The following CLCN3 variants were observed in gnomAD, a reference collection of about 807,000 sequenced individuals.
CLCN3 encodes H(+)/Cl(-) exchange transporter 3.
In CLCN3, 16 loss-of-function variants were observed where a neutral mutation model predicts 83.4. That is an observed-to-expected ratio of 0.19 (90% confidence interval 0.13 to 0.29). The LOEUF is 0.29. Among genes scored for constraint, CLCN3 ranks in the 10% least tolerant of loss-of-function variants. CLCN3 has a pLI of 1.00. For synonymous variants in CLCN3, 322 were observed against 346.2 expected, an observed-to-expected ratio of 0.93 and a Z score of 0.78; for missense variants, 544 against 1,006.0, an observed-to-expected ratio of 0.54 and a Z score of 6.21.
intron 2 of CLCN3, among the ~76,000 whole-genome samples, chr4:169,664,262 T>A (rs186826136): frequency 1.3e-5 from 2 of 152,242 alleles, no homozygotes; most frequent in East Asian, 3.9e-4. Context: ...AAGTTTGGGG[T>A]CTTATTTTTT....
chr4:169,717,869 T>G, intron 12 of CLCN3: 2 of 1,599,626 alleles, frequency 1.3e-6, no homozygotes, highest in Non-Finnish European at 1.7e-6. Flanking sequence ...GAACCCTTGG[T>G]GATTAGATAT....
chr4:169,704,029 C>T lies in CLCN3; in HGVS notation c.1595C>T (p.Ala532Val). 6.2e-7 allele frequency: 1 copy of T among 1,614,054 alleles called. No homozygotes were observed. Among genetic ancestry groups the T allele is most frequent in the Non-Finnish European group, 8.5e-7 (1 of 1,179,988 alleles). The change falls in exon 10 of 13, where the codon GCC becomes GTC. Residue 532 changes from alanine to valine, a missense_variant. Transcript: ENST00000513761. ...VPSGLFIPSM[A>V]IGAIAGRIVG... Reference sequence around the variant, plus strand: ...TCAGGCTTGTTCATCCCCAGCATGGCCATTGGAGCGATCGCAGGAAGGATT... The same window carrying T: ...TCAGGCTTGTTCATCCCCAGCATGGTCATTGGAGCGATCGCAGGAAGGATT...
Position 169,710,212 on chromosome 4 carries a change from G to C in CLCN3, c.2150-2867G>C, listed in dbSNP as rs150420475. Among the ~76,000 whole-genome samples, 419 of 152,214 alleles carry C rather than the reference G, an allele frequency of 2.8e-3. 3 individuals are homozygous for C. The highest frequency in any genetic ancestry group is 9.6e-3 in the African/African-American group (399 of 41,538). On this transcript the variant is annotated intron_variant, in intron 11 of 12. Coordinates refer to ENST00000513761, the MANE Select transcript of CLCN3 (RefSeq NM_001829.4). The stretch of plus-strand genomic sequence containing the variant: ...AACTCAGATTTTTTGTGTGTGTGGG[G>C]AGAATATCTAAAATCCCTCTCCTTA...
At chr4:169,679,963 T>C in intron 2 of CLCN3, 87 bp from the exon 3 acceptor site, 3 of 1,042,288 alleles carry the variant, frequency 2.9e-6, no homozygotes, top group Non-Finnish European at 3.0e-6. Context: ...TATTTCTGTA[T>C]GACTTAATAA....
At chr4:169,648,784 T>G (rs1158341508) in intron 2 of CLCN3, among the ~76,000 whole-genome samples, 1 of 152,174 alleles carries the variant, frequency 6.6e-6, no homozygotes, top group Non-Finnish European at 1.5e-5. Context: ...CCCAGCACTT[T>G]GGGAAGCCAA....
chr4:169,667,053 T>G (rs1253980762), intron 2 of CLCN3, among the ~76,000 whole-genome samples: 1 of 152,190 alleles, frequency 6.6e-6, no homozygotes, highest in Non-Finnish European at 1.5e-5. Context: ...TTTTTGTCCC[T>G]TTTGCATTGA....
Position 169,721,486 on chromosome 4 carries a change from AC to A in CLCN3, c.*1490del, listed in dbSNP as rs1362735708. On this transcript the variant is annotated 3_prime_UTR_variant, in exon 13 of 13. Transcript: ENST00000513761. ...ACATTAACTGGAAAGTTGAAAAACTACATTACTTTGGAGAATAAAACCGAAA... is the reference window on the plus strand; with the variant it reads ...ACATTAACTGGAAAGTTGAAAAACTAATTACTTTGGAGAATAAAACCGAAA... 2.6e-5 allele frequency: 4 copies of A among 152,246 alleles called. No homozygotes were observed. Among genetic ancestry groups the A allele is most frequent in the Non-Finnish European group, 4.4e-5 (3 of 68,052 alleles). The allele number at this position is 152,246 out of a possible 1,614,324, so 9.4% of individuals were successfully genotyped here. A position where few individuals can be genotyped will look rare whatever the true frequency, so the allele number is the denominator to read the frequency against.
At chr4:169,685,546 G>T (rs1283872142) in intron 3 of CLCN3, among the ~76,000 whole-genome samples, 1 of 151,546 alleles carries the variant, frequency 6.6e-6, no homozygotes, top group Admixed American at 6.6e-5. Context: ...CTTTTTAATT[G>T]CTGCAGAATT....
intron 2 of CLCN3, among the ~76,000 whole-genome samples, chr4:169,638,446 C>G (rs960931739): frequency 4.6e-5 from 7 of 151,932 alleles, no homozygotes; most frequent in South Asian, 2.1e-4. Flanking sequence ...GTTTAAAATA[C>G]AATATTTTGC....
At chr4:169,715,545 C>A (rs1185231249) in intron 12 of CLCN3, among the ~76,000 whole-genome samples, 2 of 151,906 alleles carry the variant, frequency 1.3e-5, no homozygotes, top group Admixed American at 1.3e-4. Context: ...ATGATATCTT[C>A]TGGTTTTTAA....
chr4:169,621,578 A>G (rs1395117130), intron 1 of CLCN3, among the ~76,000 whole-genome samples: 1 of 152,236 alleles, frequency 6.6e-6, no homozygotes, highest in Non-Finnish European at 1.5e-5. Flanking sequence ...TGTGCATATT[A>G]GAAACTGAGA....
At chr4:169,663,599 C>T in intron 2 of CLCN3, 1 of 425,998 alleles carries the variant, frequency 2.3e-6, no homozygotes, top group Non-Finnish European at 4.7e-6. Context: ...CTTGGCCTCC[C>T]AAGTAGCTGA....
At chr4:169,702,850 A>G (rs1560869367) in intron 9 of CLCN3, 5 of 260,380 alleles carry the variant, frequency 1.9e-5, no homozygotes, top group African/African-American at 8.7e-5. Flanking sequence ...CACGAGGCTG[A>G]GTCGGCAGGA....
intron 2 of CLCN3, among the ~76,000 whole-genome samples, chr4:169,639,634 CAGTAGCAGGG>C (rs1730342897): frequency 6.6e-6 from 1 of 152,114 alleles, no homozygotes; most frequent in South Asian, 2.1e-4. Context: ...CTTCTGTTAA[CAGTAGCAGGG>C]AGGGGAATGT....
chr4:169,631,747 C>A (rs1773376857), intron 1 of CLCN3, among the ~76,000 whole-genome samples: 1 of 152,130 alleles, frequency 6.6e-6, no homozygotes, highest in Admixed American at 6.5e-5. Context: ...GGTGACATTA[C>A]AACCAATCCC....
chr4:169,693,385 A>G (rs1239574204), intron 7 of CLCN3, among the ~76,000 whole-genome samples: 1 of 152,168 alleles, frequency 6.6e-6, no homozygotes. Context: ...ACTGTGGCAG[A>G]TACTTTACTT....
chr4:169,651,080 C>A (rs1730719035), intron 2 of CLCN3, among the ~76,000 whole-genome samples: 1 of 152,036 alleles, frequency 6.6e-6, no homozygotes, highest in African/African-American at 2.4e-5. Context: ...TCAGAAAGGT[C>A]ATTGGAAAGA....
chr4:169,641,523 G>A (rs1342932118), intron 2 of CLCN3, among the ~76,000 whole-genome samples: 3 of 152,156 alleles, frequency 2.0e-5, no homozygotes, highest in African/African-American at 7.2e-5. Flanking sequence ...TACCTTCTGA[G>A]CTATTACAAG....
At chr4:169,703,759 A>G (rs1028073771) in intron 9 of CLCN3, among the ~76,000 whole-genome samples, 2 of 151,952 alleles carry the variant, frequency 1.3e-5, no homozygotes, top group African/African-American at 4.8e-5. Context: ...CCTTGAGCTA[A>G]AGGAAATAAC....
Sources: allele counts gnomAD v4.1 joint callset (sites outside exome capture counted in the v4.1 genomes callset), GRCh38; gene constraint gnomAD v4.1.1; transcripts MANE v1.5; gene names NCBI Gene and HGNC (gene_info 2026-07-23, HGNC 2026-07-21).